Variants in FKTN observed in about 807,000 individuals in gnomAD.
The protein encoded by FKTN is ribitol-5-phosphate transferase FKTN.
In FKTN, 47 loss-of-function variants were observed where a neutral mutation model predicts 58.6. The ratio of observed to expected loss-of-function variants is 0.80; its 90% CI spans 0.63 to 1.02. FKTN has a LOEUF of 1.02. Ranked by LOEUF, FKTN falls within the 50% of genes least tolerant of loss-of-function variation. The pLI, the probability that FKTN is intolerant of heterozygous loss-of-function variation, is 0.00. For synonymous variants in FKTN, 178 were observed against 191.9 expected, an observed-to-expected ratio of 0.93 and a Z score of 0.60; for missense variants, 516 against 537.3, an observed-to-expected ratio of 0.96 and a Z score of 0.39.
chr9:105,564,198 A>G, intron 1 of FKTN, among the ~76,000 whole-genome samples: 1 of 152,226 alleles, frequency 6.6e-6, no homozygotes, highest in Non-Finnish European at 1.5e-5. Flanking sequence ...AAGATGGGGA[A>G]AAAACAGAGC....
chr9:105,611,198 C>T (rs1360057463), intron 7 of FKTN, among the ~76,000 whole-genome samples: 5 of 152,058 alleles, frequency 3.3e-5, no homozygotes, highest in East Asian at 1.9e-4. Flanking sequence ...TTGGATTCCA[C>T]GATTCTTCTT....
intron 10 of FKTN, among the ~76,000 whole-genome samples, chr9:105,630,997 G>A (rs1050180359): frequency 6.6e-6 from 1 of 152,090 alleles, no homozygotes; most frequent in Non-Finnish European, 1.5e-5. Context: ...GCCAGGTGTG[G>A]TGGTGTGCGC....
At chr9:105,559,445 G>A (rs1837848735) in intron 1 of FKTN, among the ~76,000 whole-genome samples, 1 of 152,200 alleles carries the variant, frequency 6.6e-6, no homozygotes, top group Non-Finnish European at 1.5e-5. Context: ...ACTTTGGGAG[G>A]CTGAGGCGGG....
Position 105,610,578 on chromosome 9 carries a change from ACTGCTATCCTCTGCTGGG to A in FKTN, c.780+2632_780+2649del, listed in dbSNP as rs1829735276. ...CCTGTTCTTCTCACCCTACCTGGGC[ACTGCTATCCTCTGCTGGG>A]CTGCACACACGTAGAGGCATTCTTC... is the stretch of plus-strand genomic sequence containing the variant. On this transcript the variant is annotated intron_variant, in intron 7 of 10. Transcript: ENST00000357998. Among the ~76,000 whole-genome samples, 3 of 151,858 alleles carry A rather than the reference ACTGCTATCCTCTGCTGGG, an allele frequency of 2.0e-5. No homozygotes were observed. In the South Asian group the frequency reaches 6.2e-4, roughly 32 times the overall value.
Position 105,586,874 on chromosome 9 carries a change from A to AT in FKTN, c.106-9718dup, listed in dbSNP as rs574809470. 5.7e-4 allele frequency among the ~76,000 whole-genome samples: 87 copies of AT among 152,286 alleles called. 1 individual carries two copies. The highest frequency in any genetic ancestry group is 1.9e-3 in the African/African-American group (79 of 41,566). ...TCTTATAGTGTCCCTATAAGCTTAT[A>AT]TTTTTTACTTTTTCATAAACCAAGT... is the stretch of plus-strand genomic sequence containing the variant. On this transcript the variant is annotated intron_variant, in intron 3 of 10. Transcript: ENST00000357998.
chr9:105,618,835 C>A (rs1014220051), intron 9 of FKTN, among the ~76,000 whole-genome samples: 2 of 151,534 alleles, frequency 1.3e-5, no homozygotes, highest in African/African-American at 2.4e-5. Flanking sequence ...TATGGGAGGC[C>A]GAGGCGGGTG....
Position 105,581,468 on chromosome 9 carries a change from T to C in FKTN, c.105+6331T>C, listed in dbSNP as rs10978166. Among the ~76,000 whole-genome samples, 3 of 150,716 alleles carry C rather than the reference T, an allele frequency of 2.0e-5. No homozygotes were observed. The East Asian group carries it at 5.8e-4, about 29-fold the overall frequency. The stretch of plus-strand genomic sequence containing the variant: ...GCCCCTGCTGCGGGGTGCCTCCCAG[T>C]TAGGCTGCTCGGGGGTCAGGGGTCA... On this transcript the variant is annotated intron_variant, in intron 3 of 10. Coordinates refer to ENST00000357998, the MANE Select transcript of FKTN (RefSeq NM_001079802.2).
At chr9:105,631,273 G>A (rs1178129011) in intron 10 of FKTN, among the ~76,000 whole-genome samples, 3 of 152,176 alleles carry the variant, frequency 2.0e-5, no homozygotes, top group Non-Finnish European at 4.4e-5. Flanking sequence ...ATGTGTGCTA[G>A]CCCTGCTTCT....
chr9:105,575,036 A>C lies in FKTN; in HGVS notation c.4A>C (p.Ser2Arg). Residue 2 changes from serine to arginine, a missense_variant, in exon 3 of 11, where the codon AGT (serine) becomes CGT (arginine). By Grantham distance (110) the Ser-to-Arg change is moderately radical. Transcript: ENST00000357998. M[S>R]RINKNVVLAL... ...ACCAAGTGAGCAGCACAGACTAATGAGTAGAATCAATAAGAACGTGGTTTT... is the reference window on the plus strand; with the variant it reads ...ACCAAGTGAGCAGCACAGACTAATGCGTAGAATCAATAAGAACGTGGTTTT... 6.4e-7 allele frequency: 1 copy of C among 1,569,146 alleles called. No individual in the cohort carries two copies. The highest frequency in any genetic ancestry group is 8.8e-7 in the Non-Finnish European group (1 of 1,139,064).
intron 1 of FKTN, among the ~76,000 whole-genome samples, chr9:105,565,020 AACCCAGAATTTCAT>A (rs1839147197): frequency 6.6e-6 from 1 of 152,226 alleles, no homozygotes; most frequent in Non-Finnish European, 1.5e-5. Flanking sequence ...AAGAATCTTC[AACCCAGAATTTCAT>A]ATCCAGCCAA....
intron 1 of FKTN, among the ~76,000 whole-genome samples, chr9:105,563,666 G>T (rs1838778893): frequency 6.6e-6 from 1 of 152,196 alleles, no homozygotes; most frequent in Non-Finnish European, 1.5e-5. Flanking sequence ...AGCTCGAACT[G>T]GGTGGAGCCC....
chr9:105,597,609 G>T (rs764657499), intron 4 of FKTN, among the ~76,000 whole-genome samples: 1 of 152,050 alleles, frequency 6.6e-6, no homozygotes, highest in Non-Finnish European at 1.5e-5. Context: ...TATTTTGTAT[G>T]CTTCTCTGTA....
At chr9:105,604,770 C>A (rs1828559286) in intron 6 of FKTN, among the ~76,000 whole-genome samples, 1 of 152,004 alleles carries the variant, frequency 6.6e-6, no homozygotes, top group Non-Finnish European at 1.5e-5. Context: ...GCCTGGCCAA[C>A]ATGGTGAAAC....
intron 7 of FKTN, among the ~76,000 whole-genome samples, chr9:105,611,120 G>T (rs1276745486): frequency 6.6e-6 from 1 of 151,914 alleles, no homozygotes; most frequent in African/African-American, 2.4e-5. Flanking sequence ...TCTGAGCCTT[G>T]GTTTCCTCAT....
chr9:105,601,121 G>A lies in FKTN; in HGVS notation c.166-24G>A, dbSNP rs371885914. 71 of 1,354,742 alleles carry A rather than the reference G, an allele frequency of 5.2e-5. No individual in the cohort carries two copies. In the East Asian group the frequency reaches 5.5e-4, roughly 11 times the overall value. The allele number at this position is 1,354,742 out of a possible 1,614,324, so 83.9% of individuals were successfully genotyped here. ...TGTTGTGTTGGCTTACTGGAATTAC[G>A]AGAATTCTTTTTCTCTCAAACAGCG... On this transcript the variant is annotated intron_variant, in intron 4 of 10. Coordinates refer to ENST00000357998, the MANE Select transcript of FKTN (RefSeq NM_001079802.2).
intron 3 of FKTN, among the ~76,000 whole-genome samples, chr9:105,581,988 G>A (rs948207891): frequency 2.6e-5 from 4 of 152,144 alleles, no homozygotes; most frequent in South Asian, 4.1e-4. Flanking sequence ...GACACCTTGC[G>A]CTTCCCAGGT....
At chr9:105,620,818 TA>T (rs1831780037) in intron 10 of FKTN, among the ~76,000 whole-genome samples, 2 of 150,750 alleles carry the variant, frequency 1.3e-5, no homozygotes, top group African/African-American at 2.4e-5. Context: ...GTAGTAGTAG[TA>T]GTAAAGAAAA....
At chr9:105,634,983 C>A in intron 10 of FKTN, 68 bp from the exon 11 acceptor site, 2 of 1,255,716 alleles carry the variant, frequency 1.6e-6, no homozygotes, top group East Asian at 4.6e-5. Flanking sequence ...CAATAATGCA[C>A]TAGCAGCTAG....
chr9:105,560,025 A>G (rs1295218133), intron 1 of FKTN, among the ~76,000 whole-genome samples: 1 of 152,260 alleles, frequency 6.6e-6, no homozygotes, highest in African/African-American at 2.4e-5. Flanking sequence ...AACAGCATTT[A>G]CAGCAAATAA....
Sources: gnomAD v4.1 joint callset for allele counts (sites outside exome capture counted in the v4.1 genomes callset) on GRCh38, gnomAD v4.1.1 for gene constraint, MANE v1.5 for transcripts, NCBI Gene and HGNC (gene_info 2026-07-23, HGNC 2026-07-21) for gene names.